RAPGEF5: variants seen among roughly 807,000 people sequenced by gnomAD.
RAPGEF5 encodes the protein Rap guanine nucleotide exchange factor 5, also known as M-Ras-regulated GEF.
A neutral mutation model predicts 125.2 loss-of-function variants in RAPGEF5; 65 were observed. The ratio of observed to expected loss-of-function variants is 0.52; its 90% CI spans 0.43 to 0.64. The LOEUF (loss-of-function observed/expected upper bound fraction) is 0.64, where lower values mean the gene tolerates loss of function less well. Among genes scored for constraint, RAPGEF5 ranks in the 30% least tolerant of loss-of-function variants. The probability of loss-of-function intolerance (pLI) is 0.00; values close to 1 mark genes in which losing one functional copy is unlikely to be tolerated. For synonymous variants in RAPGEF5, 391 were observed against 385.9 expected, an observed-to-expected ratio of 1.01 and a Z score of -0.16; for missense variants, 958 against 1,048.1, an observed-to-expected ratio of 0.91 and a Z score of 1.19.
intron 17 of RAPGEF5, among the ~76,000 whole-genome samples, chr7:22,153,594 T>C (rs1274398305): frequency 1.3e-5 from 2 of 152,128 alleles, no homozygotes; most frequent in East Asian, 3.9e-4. Context: ...TACCCTCAAG[T>C]ATATTCTGAT....
intron 11 of RAPGEF5, among the ~76,000 whole-genome samples, chr7:22,175,812 C>T (rs559708374): frequency 6.6e-6 from 1 of 152,280 alleles, no homozygotes; most frequent in South Asian, 2.1e-4. Context: ...ATTCTAACAA[C>T]TGAATCAACT....
intron 6 of RAPGEF5, among the ~76,000 whole-genome samples, chr7:22,287,161 T>A (rs953358858): frequency 3.3e-5 from 5 of 152,342 alleles, no homozygotes. Context: ...AGTTTCACTG[T>A]TTAGGTTTCT....
chr7:22,287,652 A>AG (rs1347466944), intron 6 of RAPGEF5, among the ~76,000 whole-genome samples: 1 of 152,178 alleles, frequency 6.6e-6, no homozygotes, highest in Non-Finnish European at 1.5e-5. Context: ...TATCATGATT[A>AG]GGGGTCACAG....
intron 5 of RAPGEF5, 35 bp downstream of exon 5, chr7:22,308,304 T>G (rs1020783173): frequency 1.9e-6 from 3 of 1,544,136 alleles, no homozygotes; most frequent in African/African-American, 2.7e-5. Context: ...TGTCTAAGTG[T>G]AAGAATACAA....
chr7:22,186,646 T>C (rs922044158), intron 11 of RAPGEF5, among the ~76,000 whole-genome samples: 4 of 152,200 alleles, frequency 2.6e-5, no homozygotes, highest in Non-Finnish European at 5.9e-5. Flanking sequence ...AGGTCAAAGA[T>C]ATTTAAAGGA....
chr7:22,271,559 A>C (rs1782427775), intron 6 of RAPGEF5, among the ~76,000 whole-genome samples: 1 of 152,232 alleles, frequency 6.6e-6, no homozygotes, highest in Non-Finnish European at 1.5e-5. Context: ...AAGAACCTTC[A>C]AGTTTAATTT....
intron 1 of RAPGEF5, among the ~76,000 whole-genome samples, chr7:22,327,994 G>T (rs538562780): frequency 2.6e-5 from 4 of 152,282 alleles, no homozygotes; most frequent in Admixed American, 6.5e-5. Context: ...TATTGTTATT[G>T]TTGAGCACTC....
intron 9 of RAPGEF5, among the ~76,000 whole-genome samples, chr7:22,205,127 A>G (rs1014394529): frequency 9.9e-5 from 15 of 152,234 alleles, no homozygotes; most frequent in Non-Finnish European, 1.5e-5. Flanking sequence ...AGAAGGTCAA[A>G]ATCCTCACGT....
At chr7:22,249,759 C>T (rs189385554) in intron 7 of RAPGEF5, among the ~76,000 whole-genome samples, 3 of 152,154 alleles carry the variant, frequency 2.0e-5, no homozygotes, top group Admixed American at 2.0e-4. Flanking sequence ...TTATAAAACA[C>T]CAGCTCATTC....
At chr7:22,348,986 G>A (rs546188266) in intron 1 of RAPGEF5, among the ~76,000 whole-genome samples, 366 of 151,556 alleles carry the variant, frequency 2.4e-3, no homozygotes, top group Non-Finnish European at 4.2e-3. Flanking sequence ...ACTTGGGAGG[G>A]AGGCTGAGGC....
intron 17 of RAPGEF5, 118 bp downstream of exon 17, chr7:22,154,337 T>A (rs1373433609): frequency 8.6e-7 from 1 of 1,157,590 alleles, no homozygotes; most frequent in East Asian, 2.6e-5. Context: ...GTTACTGTGG[T>A]CATCCAGCTG....
rs1434142623 is a variant in RAPGEF5 at position 22,214,508 on chromosome 7, A to G, written c.996+5358T>C. The stretch of plus-strand genomic sequence containing the variant: ...AAAGCATAAACTACATTTCGGGAAA[A>G]TACAGGTTCAGTTTTCTGGTGAATA... On this transcript the variant is annotated intron_variant, in intron 9 of 25. Transcript: ENST00000665637. Among the ~76,000 whole-genome samples the G allele has an allele frequency of 2.6e-5, 4 of 152,222 alleles. No homozygotes were observed. The East Asian group carries it at 7.7e-4, about 29-fold the overall frequency.
chr7:22,336,534 G>A (rs951158418), intron 1 of RAPGEF5, among the ~76,000 whole-genome samples: 2 of 152,164 alleles, frequency 1.3e-5, no homozygotes, highest in African/African-American at 4.8e-5. Context: ...TGGAGAGGAG[G>A]TTGATGTTAC....
chr7:22,258,557 G>C (rs1378071612), intron 7 of RAPGEF5, among the ~76,000 whole-genome samples: 2 of 143,066 alleles, frequency 1.4e-5, no homozygotes, highest in African/African-American at 5.2e-5. Flanking sequence ...CGGGGAGGCA[G>C]AGGTTGTGGT....
At chr7:22,321,221 G>T (rs138871052) in intron 1 of RAPGEF5, among the ~76,000 whole-genome samples, 65 of 152,094 alleles carry the variant, frequency 4.3e-4, no homozygotes, top group African/African-American at 1.5e-3. Flanking sequence ...CTAGGAAATT[G>T]CAATCCTTTA....
chr7:22,197,899 G>GGGGT (rs1562757133), intron 9 of RAPGEF5, among the ~76,000 whole-genome samples: 1 of 146,634 alleles, frequency 6.8e-6, no homozygotes, highest in East Asian at 2.0e-4. Context: ...TTTTTGGGGG[G>GGGGT]GGGTGGTAGG....
At position 22,132,364 on chromosome 7, in the gene RAPGEF5, TTTTCC is replaced by T. The variant is rs796568150; in HGVS notation, c.2417-1268_2417-1264del. On this transcript the variant is annotated intron_variant, in intron 23 of 25. Coordinates refer to ENST00000665637, the MANE Select transcript of RAPGEF5 (RefSeq NM_012294.5). ...GGACTGAAATGTTTTCATAAGCTTC[TTTTCC>T]TTTCCTCTCTTTTTTTTTTTTTGCT... Among the ~76,000 whole-genome samples, 96 of 109,642 alleles carry T rather than the reference TTTTCC, an allele frequency of 8.8e-4. 1 individual carries two copies. The highest frequency in any genetic ancestry group is 2.9e-3 in the African/African-American group (89 of 30,498). The allele number at this position is 109,642 out of a possible 152,430, so 71.9% of individuals were successfully genotyped here.
chr7:22,271,700 C>T (rs1472714878), intron 6 of RAPGEF5, among the ~76,000 whole-genome samples: 1 of 152,072 alleles, frequency 6.6e-6, no homozygotes, highest in African/African-American at 2.4e-5. Context: ...CAAATTTTTC[C>T]CTCTCCCCTA....
chr7:22,328,840 G>A (rs1729939401), intron 1 of RAPGEF5, among the ~76,000 whole-genome samples: 1 of 152,220 alleles, frequency 6.6e-6, no homozygotes, highest in South Asian at 2.1e-4. Flanking sequence ...AAAGCAGGAT[G>A]CTGTGCAGCT....
Sources: gnomAD v4.1 joint callset for allele counts (sites outside exome capture counted in the v4.1 genomes callset) on GRCh38, gnomAD v4.1.1 for gene constraint, MANE v1.5 for transcripts, NCBI Gene and HGNC (gene_info 2026-07-23, HGNC 2026-07-21) for gene names.